Variants in CASR observed in about 807,000 individuals in gnomAD.
CASR encodes extracellular calcium-sensing receptor.
Under a neutral mutation model 69.1 loss-of-function variants are expected in CASR, and 23 were observed. The observed-to-expected ratio is 0.33, with a 90% CI of 0.24 to 0.47. CASR has a LOEUF of 0.47. Among genes scored for constraint, CASR ranks in the 20% least tolerant of loss-of-function variants. The pLI is 1.00. For missense variants in CASR, 924 were observed against 1,356.1 expected (o/e 0.68, Z 5.00); for synonymous variants, 541 against 544.7 (o/e 0.99, Z 0.10).
At chr3:122,233,690 G>T (rs1011436603) in intron 1 of CASR, among the ~76,000 whole-genome samples, 4 of 152,106 alleles carry the variant, frequency 2.6e-5, no homozygotes, top group East Asian at 1.9e-4. Flanking sequence ...GGCTACTTGG[G>T]CGGTTGTGGT....
rs1045398126 is a variant in CASR at position 122,285,281 on chromosome 3, A to G, written c.*90A>G. The G allele has an allele frequency of 8.4e-7, 1 of 1,194,532 alleles. No individual in the cohort carries two copies. Among genetic ancestry groups the G allele is most frequent in the African/African-American group, 1.5e-5 (1 of 66,952 alleles). 74.0% of individuals were successfully genotyped at this position (1,194,532 alleles called of 1,614,324 possible). A position where few individuals can be genotyped will look rare whatever the true frequency, so the allele number is the denominator to read the frequency against. ...AATCGCCCCAGACTCCTTTCCTCTGAGGAAGAAGGGATAATAGACACATCA... is the reference window on the plus strand; with the variant it reads ...AATCGCCCCAGACTCCTTTCCTCTGGGGAAGAAGGGATAATAGACACATCA... On this transcript the variant is annotated 3_prime_UTR_variant, in exon 7 of 7. Coordinates refer to ENST00000639785, the MANE Select transcript of CASR (RefSeq NM_000388.4).
At chr3:122,199,498 C>G (rs1426199478) in intron 1 of CASR, among the ~76,000 whole-genome samples, 1 of 152,070 alleles carries the variant, frequency 6.6e-6, no homozygotes, top group Non-Finnish European at 1.5e-5. Flanking sequence ...TGTAATTTGC[C>G]TTATAATTTT....
chr3:122,233,321 C>T (rs764744017), intron 1 of CASR, among the ~76,000 whole-genome samples: 1 of 152,168 alleles, frequency 6.6e-6, no homozygotes, highest in South Asian at 2.1e-4. Context: ...CAGGGCTGGC[C>T]ATGAGAAGCA....
chr3:122,285,116 T>C lies in CASR; in HGVS notation c.3162T>C (p.Leu1054=), dbSNP rs2074954509. The C allele has an allele frequency of 6.2e-7, 1 of 1,614,016 alleles. No individual in the cohort carries two copies. The highest frequency in any genetic ancestry group is 1.1e-5 in the South Asian group (1 of 91,086). The stretch of plus-strand genomic sequence containing the variant: ...ACCCTGAAGAGTTGTCCCCAGCACT[T>C]GTAGTGTCCAGTTCACAGAGCTTTG... ...VEDPEELSPA[L]VVSSSQSFVI... is the part of the protein sequence containing the mutation. The change falls in exon 7 of 7, where the codon CTT becomes CTC. Residue 1054 remains leucine (L), a synonymous_variant. Coordinates refer to ENST00000639785, the MANE Select transcript of CASR (RefSeq NM_000388.4).
At chr3:122,217,131 G>A (rs972155405) in intron 1 of CASR, among the ~76,000 whole-genome samples, 15 of 148,750 alleles carry the variant, frequency 1.0e-4, no homozygotes, top group Non-Finnish European at 1.9e-4. Context: ...TTTGAGACAA[G>A]GTCTGGCTCT....
chr3:122,187,412 G>A (rs1208869286), intron 1 of CASR, among the ~76,000 whole-genome samples: 2 of 152,218 alleles, frequency 1.3e-5, no homozygotes, highest in Admixed American at 6.5e-5. Context: ...AGTGTTTACA[G>A]TAAACCTTGT....
rs142353474 is a variant in CASR at position 122,200,892 on chromosome 3, C to T, written c.-243+17080C>T. Among the ~76,000 whole-genome samples the T allele has an allele frequency of 9.2e-5, 14 of 151,868 alleles. No individual in the cohort carries two copies. The East Asian group carries it at 1.9e-3, about 21-fold the overall frequency. On this transcript the variant is annotated intron_variant, in intron 1 of 6. Coordinates refer to ENST00000639785, the MANE Select transcript of CASR (RefSeq NM_000388.4). ...CAGTTGAATCATTGCCAAATTGTTG[C>T]GGTTTCAATTCGATTACCAATGAGT... is the stretch of plus-strand genomic sequence containing the variant.
chr3:122,194,956 T>C (rs2073874175), intron 1 of CASR, among the ~76,000 whole-genome samples: 1 of 147,830 alleles, frequency 6.8e-6, no homozygotes, highest in Non-Finnish European at 1.5e-5. Flanking sequence ...TCCCTTCCTC[T>C]TCCTCCTCCT....
In CASR at chr3:122,285,380, G is replaced by A. The variant is rs201952452; in HGVS notation, c.*189G>A. ...ATGTTCCCTTTAAAATTAAAAAAAAGAAGAGCCTTGTGTTTCTGTGGTTGC... is the reference window on the plus strand; with the variant it reads ...ATGTTCCCTTTAAAATTAAAAAAAAAAAGAGCCTTGTGTTTCTGTGGTTGC... On this transcript the variant is annotated 3_prime_UTR_variant, in exon 7 of 7. Coordinates refer to ENST00000639785, the MANE Select transcript of CASR (RefSeq NM_000388.4). 7.1e-6 allele frequency: 4 copies of A among 559,852 alleles called. No homozygotes were observed. In the Admixed American group the frequency reaches 1.2e-4, roughly 17 times the overall value. The allele number at this position is 559,852 out of a possible 1,614,324, so 34.7% of individuals were successfully genotyped here.
chr3:122,280,445 T>A (rs1022410812), intron 5 of CASR, among the ~76,000 whole-genome samples: 1 of 152,192 alleles, frequency 6.6e-6, no homozygotes, highest in African/African-American at 2.4e-5. Flanking sequence ...TTTAGAAGCA[T>A]TCCTAGTGTG....
chr3:122,222,237 C>T (rs1461560152), intron 1 of CASR, among the ~76,000 whole-genome samples: 1 of 152,180 alleles, frequency 6.6e-6, no homozygotes, highest in Non-Finnish European at 1.5e-5. Flanking sequence ...TTTTGGTCTT[C>T]TCATCTGCTA....
intron 1 of CASR, chr3:122,247,102 T>G (rs1394903636): frequency 6.6e-6 from 1 of 152,170 alleles, no homozygotes; most frequent in African/African-American, 2.4e-5. Context: ...GATTACAGAC[T>G]TTATGCTTTC....
intron 1 of CASR, among the ~76,000 whole-genome samples, chr3:122,202,405 G>GTGGAAAGAGAGGGAGAGGGAGACCA (rs2073965898): frequency 6.7e-6 from 1 of 150,144 alleles, no homozygotes; most frequent in South Asian, 2.1e-4. Context: ...GAGGGAGACC[G>GTGGAAAGAGAGGGAGAGGGAGACCA]TGGAAAGAGA....
intron 5 of CASR, among the ~76,000 whole-genome samples, chr3:122,279,193 A>G (rs2074857792): frequency 6.6e-6 from 1 of 152,236 alleles, no homozygotes; most frequent in African/African-American, 2.4e-5. Flanking sequence ...CCAGGTAGAA[A>G]GAGTCTAGGT....
chr3:122,259,647 T>TTTTTTTGG (rs2074597718), intron 3 of CASR, among the ~76,000 whole-genome samples: 1 of 149,884 alleles, frequency 6.7e-6, no homozygotes. Context: ...TTTTTTTTTT[T>TTTTTTTGG]GAGATGGAGT....
chr3:122,271,170 C>T (rs1418247183), intron 4 of CASR, among the ~76,000 whole-genome samples: 4 of 152,178 alleles, frequency 2.6e-5, no homozygotes, highest in African/African-American at 9.7e-5. Context: ...CATAGTCATG[C>T]TGGACACCTA....
At chr3:122,256,416 A>C (rs562807452) in intron 2 of CASR, among the ~76,000 whole-genome samples, 18 of 152,336 alleles carry the variant, frequency 1.2e-4, no homozygotes, top group African/African-American at 4.3e-4. Context: ...CAGCTACTTC[A>C]AATTCATTAC....
At chr3:122,196,293 A>T (rs2107583681) in intron 1 of CASR, among the ~76,000 whole-genome samples, 1 of 152,288 alleles carries the variant, frequency 6.6e-6, no homozygotes, top group East Asian at 1.9e-4. Context: ...AGGATTTCAG[A>T]TTCAATCAAT....
rs548403340 is a variant in CASR, at chr3:122,262,043, G to T, written c.1008G>T (p.Lys336Asn). ...QIPGFREFLK[K>N]VHPRKSVHNG... The stretch of plus-strand genomic sequence containing the variant: ...CAGGCTTCCGGGAATTCCTGAAGAA[G>T]GTCCATCCCAGGAAGTCTGTCCACA... Residue 336 changes from lysine (K) to asparagine (N), a missense_variant, in exon 4 of 7, where the codon AAG (lysine) becomes AAT (asparagine). This residue lies in a region of CASR where 310 missense variants were observed against 395.7 expected (regional missense o/e 0.78). Transcript: ENST00000639785. 6.2e-7 allele frequency: 1 copy of T among 1,614,166 alleles called. No individual in the cohort carries two copies. Among genetic ancestry groups the T allele is most frequent in the Non-Finnish European group, 8.5e-7 (1 of 1,180,026 alleles).
Sources: gnomAD v4.1 joint callset for allele counts (sites outside exome capture counted in the v4.1 genomes callset) on GRCh38, gnomAD v4.1.1 for gene constraint, gnomAD v4.1.1 regional missense constraint, MANE v1.5 for transcripts, NCBI Gene and HGNC (gene_info 2026-07-23, HGNC 2026-07-21) for gene names.